Variants in GRM5 observed in about 807,000 individuals in gnomAD.
GRM5 encodes the protein glutamate metabotropic receptor 5, also known as metabotropic glutamate receptor 5.
In GRM5, 19 loss-of-function variants were observed where a neutral mutation model predicts 83.1. The ratio of observed to expected loss-of-function variants is 0.23; its 90% CI spans 0.16 to 0.34. The LOEUF (loss-of-function observed/expected upper bound fraction) is 0.34. Among genes scored for constraint, GRM5 ranks in the 10% least tolerant of loss-of-function variants. The pLI is 1.00. For missense variants in GRM5, 1,160 were observed against 1,588.3 expected, an observed-to-expected ratio of 0.73 and a Z score of 4.58; for synonymous variants, 675 against 633.6, an observed-to-expected ratio of 1.07 and a Z score of -0.98.
Position 88,664,450 on chromosome 11 carries a change from T to C in GRM5, c.912-11047A>G, listed in dbSNP as rs142173298. ...TCACATAGCATTTTCTTTTCTTTTT[T>C]CTTTTTTTTAAAGATAGAATCTTAA... is the stretch of plus-strand genomic sequence containing the variant. On this transcript the variant is annotated intron_variant, in intron 3 of 9. Coordinates refer to ENST00000305447, the MANE Select transcript of GRM5 (RefSeq NM_001143831.3). Among the ~76,000 whole-genome samples, 4 of 152,214 alleles carry C rather than the reference T, an allele frequency of 2.6e-5. No individual in the cohort carries two copies. The East Asian group carries it at 5.8e-4, about 22-fold the overall frequency.
chr11:89,040,012 G>A (rs1941491538), intron 2 of GRM5, among the ~76,000 whole-genome samples: 1 of 151,514 alleles, frequency 6.6e-6, no homozygotes, highest in South Asian at 2.1e-4. Flanking sequence ...GCCTTATTAT[G>A]TTGCCCACCC....
chr11:88,631,583 A>G (rs573993937), intron 4 of GRM5, among the ~76,000 whole-genome samples: 2 of 152,290 alleles, frequency 1.3e-5, no homozygotes, highest in African/African-American at 4.8e-5. Context: ...ATAAATGAAG[A>G]AGGCAGGGCT....
chr11:89,057,954 C>A (rs1445636691), intron 1 of GRM5, among the ~76,000 whole-genome samples: 2 of 152,148 alleles, frequency 1.3e-5, no homozygotes, highest in African/African-American at 2.4e-5. Flanking sequence ...CTCTAGAAAT[C>A]GAAGTTTAGA....
intron 2 of GRM5, among the ~76,000 whole-genome samples, chr11:89,034,173 G>A (rs1043358596): frequency 1.3e-5 from 2 of 151,526 alleles, no homozygotes; most frequent in African/African-American, 4.8e-5. Flanking sequence ...CTGTCAGTGT[G>A]GAAGATTTAA....
Position 88,569,872 on chromosome 11 carries a change from A to G in GRM5, c.1691-1880T>C, listed in dbSNP as rs768192155. ...TTTTCCTATTAACTTGTCCTATCCC[A>G]TGATCAAGGGTGTTGCAGTCAGTGG... On this transcript the variant is annotated intron_variant, in intron 7 of 9. Transcript: ENST00000305447. Among the ~76,000 whole-genome samples the G allele has an allele frequency of 4.7e-4, 72 of 152,198 alleles. 1 individual carries two copies. The highest frequency in any genetic ancestry group is 4.3e-4 in the Non-Finnish European group (29 of 68,026).
intron 3 of GRM5, among the ~76,000 whole-genome samples, chr11:88,798,805 C>CAAAAA (rs4002396): frequency 0.015 from 841 of 54,762 alleles, 9 homozygotes; most frequent in African/African-American, 0.038. Flanking sequence ...ATGAAAACAC[C>CAAAAA]AAAAAAAAAA....
chr11:88,807,168 T>A (rs1943512523), intron 3 of GRM5, among the ~76,000 whole-genome samples: 1 of 152,126 alleles, frequency 6.6e-6, no homozygotes, highest in African/African-American at 2.4e-5. Flanking sequence ...AACCTTGACA[T>A]AGACAGTTTT....
intron 3 of GRM5, among the ~76,000 whole-genome samples, chr11:88,755,210 T>A (rs1942371991): frequency 6.6e-6 from 1 of 152,140 alleles, no homozygotes; most frequent in African/African-American, 2.4e-5. Context: ...TTGGGGATTC[T>A]CAAGAGCTCA....
intron 3 of GRM5, among the ~76,000 whole-genome samples, chr11:88,816,146 G>C (rs1382382549): frequency 1.4e-5 from 2 of 142,754 alleles, no homozygotes; most frequent in Non-Finnish European, 3.0e-5. Flanking sequence ...CCGGGAAGCG[G>C]AGCTTGCAGT....
chr11:88,805,535 A>T (rs1943484893), intron 3 of GRM5, among the ~76,000 whole-genome samples: 1 of 118,356 alleles, frequency 8.4e-6, no homozygotes, highest in Non-Finnish European at 1.6e-5. Context: ...AATATGTTAA[A>T]TGTTGGTTTC....
chr11:88,800,806 C>T (rs1356015424), intron 3 of GRM5, among the ~76,000 whole-genome samples: 1 of 152,036 alleles, frequency 6.6e-6, no homozygotes, highest in Non-Finnish European at 1.5e-5. Context: ...ATCATACCTG[C>T]TAGGCTACTT....
At chr11:88,738,539 T>C (rs1941964913) in intron 3 of GRM5, among the ~76,000 whole-genome samples, 2 of 152,116 alleles carry the variant, frequency 1.3e-5, no homozygotes, top group South Asian at 2.1e-4. Context: ...TCAGTCCATT[T>C]AAACATGAAC....
chr11:88,974,518 G>A, intron 2 of GRM5, among the ~76,000 whole-genome samples: 1 of 152,060 alleles, frequency 6.6e-6, no homozygotes, highest in East Asian at 1.9e-4. Context: ...ATCATAAATG[G>A]ATGAATTAAA....
At chr11:88,996,131 G>A (rs1398588453) in intron 2 of GRM5, among the ~76,000 whole-genome samples, 1 of 152,160 alleles carries the variant, frequency 6.6e-6, no homozygotes, top group African/African-American at 2.4e-5. Flanking sequence ...CAACGTATTA[G>A]TTTCACAGTT....
At chr11:88,599,507 C>T (rs996279677) in intron 5 of GRM5, among the ~76,000 whole-genome samples, 2 of 152,154 alleles carry the variant, frequency 1.3e-5, no homozygotes, top group African/African-American at 2.4e-5. Flanking sequence ...TATGTCTCCA[C>T]AAAAGAATAT....
intron 6 of GRM5, among the ~76,000 whole-genome samples, chr11:88,593,268 A>C (rs1289974453): frequency 6.6e-6 from 1 of 152,228 alleles, no homozygotes; most frequent in African/African-American, 2.4e-5. Flanking sequence ...CATATTAAGA[A>C]AATCTTCTAA....
At chr11:89,006,505 C>T (rs571104077) in intron 2 of GRM5, among the ~76,000 whole-genome samples, 1 of 152,264 alleles carries the variant, frequency 6.6e-6, no homozygotes, top group African/African-American at 2.4e-5. Flanking sequence ...GATCAAGTCA[C>T]ATCCCCACTT....
chr11:88,665,093 C>A (rs1309572275), intron 3 of GRM5, among the ~76,000 whole-genome samples: 1 of 148,940 alleles, frequency 6.7e-6, no homozygotes, highest in Non-Finnish European at 1.5e-5. Flanking sequence ...TAAATGTGAT[C>A]TTTAATACAA....
intron 2 of GRM5, among the ~76,000 whole-genome samples, chr11:88,993,965 G>A (rs376606237): frequency 4.6e-5 from 7 of 151,984 alleles, no homozygotes; most frequent in African/African-American, 7.2e-5. Context: ...CAACTCTCTC[G>A]CTTTGGCCTC....
Sources: allele counts gnomAD v4.1 joint callset (sites outside exome capture counted in the v4.1 genomes callset), GRCh38; gene constraint gnomAD v4.1.1; transcripts MANE v1.5; gene names NCBI Gene and HGNC (gene_info 2026-07-23, HGNC 2026-07-21).